MAPKAP1: variants seen among roughly 807,000 people sequenced by gnomAD.
The protein encoded by MAPKAP1 is MAPK associated protein 1.
In MAPKAP1, 20 loss-of-function variants were observed where a neutral mutation model predicts 65.7. That is an observed-to-expected ratio of 0.30 (90% confidence interval 0.21 to 0.44). MAPKAP1 has a LOEUF of 0.44. Among genes scored for constraint, MAPKAP1 ranks in the 20% least tolerant of loss-of-function variants. The pLI, the probability that MAPKAP1 is intolerant of heterozygous loss-of-function variation, is 1.00. For synonymous variants in MAPKAP1, 222 were observed against 244.3 expected (o/e 0.91, Z 0.85); for missense variants, 423 against 648.0 (o/e 0.65, Z 3.77).
chr9:125,656,221 T>C (rs1287504997), intron 4 of MAPKAP1, among the ~76,000 whole-genome samples: 6 of 152,160 alleles, frequency 3.9e-5, no homozygotes, highest in South Asian at 2.1e-4. Flanking sequence ...AAATGAATCA[T>C]TGTAGTATTT....
chr9:125,656,195 A>G (rs1350833074), intron 4 of MAPKAP1, among the ~76,000 whole-genome samples: 1 of 152,200 alleles, frequency 6.6e-6, no homozygotes, highest in East Asian at 1.9e-4. Flanking sequence ...TCCCAAGAAT[A>G]ACTTCTCACA....
intron 7 of MAPKAP1, among the ~76,000 whole-genome samples, chr9:125,525,013 C>A (rs561600271): frequency 6.6e-6 from 1 of 152,204 alleles, no homozygotes; most frequent in Non-Finnish European, 1.5e-5. Context: ...TGAGCAGCTG[C>A]GCAGACAGAT....
chr9:125,621,871 A>G (rs1181959417), intron 4 of MAPKAP1, among the ~76,000 whole-genome samples: 1 of 152,204 alleles, frequency 6.6e-6, no homozygotes, highest in African/African-American at 2.4e-5. Flanking sequence ...TTTTTAAAAG[A>G]AGGAGAGTAA....
At chr9:125,471,542 T>G (rs1853923978) in intron 9 of MAPKAP1, 2 of 149,436 alleles carry the variant, frequency 1.3e-5, no homozygotes, top group South Asian at 2.1e-4. Context: ...TGATGAGGGG[T>G]GGGGGAAGAG....
In MAPKAP1 at chr9:125,482,131, T is replaced by TA. The variant is rs1554808939; in HGVS notation, c.1207+2311dup. The stretch of plus-strand genomic sequence containing the variant: ...TGGGCAACAAAAGCAAAACTCTGTC[T>TA]AAAAAAAAAAAAAAAAAAAGAAGAA... On this transcript the variant is annotated intron_variant, in intron 9 of 11. Transcript: ENST00000265960. Among the ~76,000 whole-genome samples the TA allele has an allele frequency of 3.2e-3, 316 of 99,050 alleles. 4 individuals are homozygous for TA. The highest frequency in any genetic ancestry group is 0.011 in the African/African-American group (244 of 21,722). 65.0% of individuals were successfully genotyped at this position (99,050 alleles called of 152,430 possible).
At position 125,484,428 on chromosome 9, in the gene MAPKAP1, T is replaced by G. The variant is rs1330313257; in HGVS notation, c.1207+15A>C. The G allele has an allele frequency of 1.9e-6, 3 of 1,598,482 alleles. No individual in the cohort carries two copies. The highest frequency in any genetic ancestry group is 3.4e-5 in the Admixed American group (2 of 58,082). ...TGACACGACAAGCTAGCTCATCACC[T>G]GCTCACACACTTACCTAGCTGTACG... On this transcript the variant is annotated intron_variant, in intron 9 of 11. Transcript: ENST00000265960.
At chr9:125,531,075 G>A (rs753440946) in intron 7 of MAPKAP1, among the ~76,000 whole-genome samples, 13 of 152,216 alleles carry the variant, frequency 8.5e-5, no homozygotes, top group Non-Finnish European at 1.5e-4. Context: ...GGTGGCCTGG[G>A]GACTGGGGTT....
intron 4 of MAPKAP1, among the ~76,000 whole-genome samples, chr9:125,630,390 C>T (rs1195755111): frequency 3.3e-5 from 5 of 152,138 alleles, no homozygotes; most frequent in African/African-American, 1.2e-4. Context: ...TCTCAGCCGC[C>T]CAAACTTCTG....
intron 4 of MAPKAP1, among the ~76,000 whole-genome samples, chr9:125,649,743 G>C (rs146194164): frequency 9.0e-5 from 13 of 143,794 alleles, no homozygotes; most frequent in African/African-American, 2.8e-4. Context: ...AACAGTCTAT[G>C]ATCTGTAGTC....
chr9:125,519,270 C>G (rs751204893), intron 7 of MAPKAP1, among the ~76,000 whole-genome samples: 12 of 152,084 alleles, frequency 7.9e-5, no homozygotes, highest in Non-Finnish European at 1.6e-4. Flanking sequence ...ACAGAAGCTT[C>G]CAGTGCTGCT....
chr9:125,553,615 C>A (rs1424742386), intron 6 of MAPKAP1, among the ~76,000 whole-genome samples: 1 of 152,100 alleles, frequency 6.6e-6, no homozygotes, highest in African/African-American at 2.4e-5. Flanking sequence ...CAGAAGTTGA[C>A]CAACAAACCT....
chr9:125,540,948 A>C (rs979044888), intron 7 of MAPKAP1, among the ~76,000 whole-genome samples: 7 of 152,220 alleles, frequency 4.6e-5, no homozygotes, highest in Non-Finnish European at 1.0e-4. Flanking sequence ...CCTTAAACAA[A>C]TATCTTTACC....
chr9:125,612,865 G>A (rs1208061621), intron 4 of MAPKAP1, among the ~76,000 whole-genome samples: 2 of 152,216 alleles, frequency 1.3e-5, no homozygotes, highest in East Asian at 3.8e-4. Flanking sequence ...TTACACAATG[G>A]AGGCAGGAAG....
intron 4 of MAPKAP1, among the ~76,000 whole-genome samples, chr9:125,653,961 A>AGACCT (rs1833962102): frequency 6.6e-6 from 1 of 152,218 alleles, no homozygotes; most frequent in South Asian, 2.1e-4. Context: ...TAAGGATAAT[A>AGACCT]TCTGCAAATG....
At chr9:125,486,419 C>CA (rs1854502623) in intron 8 of MAPKAP1, among the ~76,000 whole-genome samples, 1 of 152,132 alleles carries the variant, frequency 6.6e-6, no homozygotes, top group African/African-American at 2.4e-5. Context: ...GTTGAGCACT[C>CA]AGAGACAGTT....
chr9:125,657,930 A>G (rs1463885265), intron 3 of MAPKAP1, 131 bp from the exon 4 acceptor site: 2 of 797,982 alleles, frequency 2.5e-6, no homozygotes, highest in African/African-American at 1.7e-5. Flanking sequence ...ATACATGCAG[A>G]AAGCCCCACA....
At chr9:125,583,927 G>T (rs1388907465) in intron 5 of MAPKAP1, among the ~76,000 whole-genome samples, 1 of 152,194 alleles carries the variant, frequency 6.6e-6, no homozygotes, top group Non-Finnish European at 1.5e-5. Flanking sequence ...GCTGGGCGTG[G>T]TGGTAGGTGC....
intron 4 of MAPKAP1, among the ~76,000 whole-genome samples, chr9:125,639,339 G>A (rs1299544402): frequency 6.6e-6 from 1 of 152,166 alleles, no homozygotes; most frequent in Non-Finnish European, 1.5e-5. Context: ...TATGACCTAA[G>A]GCAAGCTGTT....
chr9:125,494,839 C>T (rs1383254095), intron 8 of MAPKAP1, among the ~76,000 whole-genome samples: 1 of 152,180 alleles, frequency 6.6e-6, no homozygotes, highest in Non-Finnish European at 1.5e-5. Context: ...CTGCTATGCA[C>T]TCTTTTCTAC....
Sources: gnomAD v4.1 joint callset for allele counts (sites outside exome capture counted in the v4.1 genomes callset) on GRCh38, gnomAD v4.1.1 for gene constraint, MANE v1.5 for transcripts, NCBI Gene and HGNC (gene_info 2026-07-23, HGNC 2026-07-21) for gene names.